The following LRRC37A2 variants were observed in gnomAD, a reference collection of about 807,000 sequenced individuals.
LRRC37A2 encodes the protein leucine rich repeat containing 37 member A2.
LRRC37A2 carries 9 observed loss-of-function variants against 68.8 expected under a neutral mutation model. That is an observed-to-expected ratio of 0.13 (90% CI 0.08 to 0.23). LRRC37A2 has a LOEUF of 0.23. Among genes scored for constraint, LRRC37A2 ranks in the 10% least tolerant of loss-of-function variants. The pLI is 1.00. For synonymous variants in LRRC37A2, 63 were observed against 367.6 expected, an observed-to-expected ratio of 0.17 and a Z score of 9.48; for missense variants, 168 against 950.4, an observed-to-expected ratio of 0.18 and a Z score of 10.82.
chr17:46,711,438 C>T, the LRRC37A2 span, among the ~76,000 whole-genome samples: 2 of 152,182 alleles, frequency 1.3e-5, no homozygotes, highest in East Asian at 3.8e-4. Flanking sequence ...GTATTTTAGT[C>T]ATTGAACTAG....
At chr17:46,819,553 G>T in the LRRC37A2 span, among the ~76,000 whole-genome samples, 2 of 152,168 alleles carry the variant, frequency 1.3e-5, no homozygotes, top group African/African-American at 4.8e-5. This position sits in a 1 kb window ranked among gnomAD's most constrained non-coding sequence, Gnocchi z 5.3. Flanking sequence ...GGACCATCAG[G>T]GACCGGTGAA....
chr17:46,825,644 C>T, the LRRC37A2 span, among the ~76,000 whole-genome samples: 1 of 152,252 alleles, frequency 6.6e-6, no homozygotes, highest in Non-Finnish European at 1.5e-5. Context: ...TGAGCAAAAG[C>T]AGCCCAGGTT....
the LRRC37A2 span, chr17:46,978,953 C>A: frequency 1.4e-6 from 2 of 1,454,090 alleles, no homozygotes; most frequent in Non-Finnish European, 1.8e-6. Flanking sequence ...CCGGCGCCGC[C>A]GCCCACGCCG....
At chr17:46,920,177 T>C in the LRRC37A2 span, among the ~76,000 whole-genome samples, 1 of 152,238 alleles carries the variant, frequency 6.6e-6, no homozygotes, top group East Asian at 1.9e-4. Flanking sequence ...CAAGACACTG[T>C]TAAAATTCTA....
At chr17:46,823,173 T>TA in the LRRC37A2 span, among the ~76,000 whole-genome samples, 4 of 129,420 alleles carry the variant, frequency 3.1e-5, no homozygotes. Flanking sequence ...ATATTATATA[T>TA]TTATATATAA....
chr17:46,841,683 C>G, the LRRC37A2 span, among the ~76,000 whole-genome samples: 1 of 152,118 alleles, frequency 6.6e-6, no homozygotes, highest in Middle Eastern at 3.2e-3. Flanking sequence ...GGAGCAGGAC[C>G]GGGAGGAACT....
At chr17:46,884,845 G>A in the LRRC37A2 span, among the ~76,000 whole-genome samples, 1 of 152,148 alleles carries the variant, frequency 6.6e-6, no homozygotes, top group African/African-American at 2.4e-5. Context: ...GGGAGAGGCC[G>A]TGGAGCTGGG....
chr17:46,815,966 A>G, the LRRC37A2 span, among the ~76,000 whole-genome samples: 2 of 152,192 alleles, frequency 1.3e-5, no homozygotes, highest in African/African-American at 4.8e-5. Context: ...AGGCGGACTC[A>G]GACACAGCCC....
the LRRC37A2 span, among the ~76,000 whole-genome samples, chr17:46,888,012 A>G: frequency 6.6e-6 from 1 of 152,244 alleles, no homozygotes; most frequent in South Asian, 2.1e-4. Context: ...TAGGGAGAGC[A>G]GGGAGACTTT....
chr17:46,926,013 C>T, the LRRC37A2 span, among the ~76,000 whole-genome samples: 2 of 152,168 alleles, frequency 1.3e-5, no homozygotes, highest in African/African-American at 4.8e-5. Flanking sequence ...AGTCTCCTGT[C>T]CTGGACCTTA....
chr17:46,831,006 A>G, the LRRC37A2 span: 1 of 372,228 alleles, frequency 2.7e-6, no homozygotes. Flanking sequence ...AAAATGAGTA[A>G]ATCTAAAATC....
At chr17:46,765,534 C>T in the LRRC37A2 span, among the ~76,000 whole-genome samples, 5 of 152,344 alleles carry the variant, frequency 3.3e-5, no homozygotes, top group African/African-American at 7.2e-5. Flanking sequence ...GCCTGCTCTG[C>T]GACTCCCTTC....
the LRRC37A2 span, among the ~76,000 whole-genome samples, chr17:46,822,753 G>A: frequency 6.6e-6 from 1 of 152,152 alleles, no homozygotes; most frequent in African/African-American, 2.4e-5. Flanking sequence ...CCAGACAGGC[G>A]GAGGGCGAGC....
the LRRC37A2 span, among the ~76,000 whole-genome samples, chr17:46,890,442 A>G: frequency 6.6e-6 from 1 of 152,038 alleles, no homozygotes. Context: ...TGCCATCAGG[A>G]GCTCAGGCCC....
chr17:46,834,212 A>G, the LRRC37A2 span, among the ~76,000 whole-genome samples: 3 of 152,178 alleles, frequency 2.0e-5, no homozygotes, highest in East Asian at 5.8e-4. Flanking sequence ...AAAAAAAGAA[A>G]ATGTCTTACT....
the LRRC37A2 span, among the ~76,000 whole-genome samples, chr17:46,902,825 C>T: frequency 1.3e-5 from 2 of 152,120 alleles, no homozygotes; most frequent in East Asian, 1.9e-4. Context: ...GGGAAGGGAT[C>T]GCCATCTTCA....
chr17:46,822,696 C>T, the LRRC37A2 span, among the ~76,000 whole-genome samples: 2 of 152,222 alleles, frequency 1.3e-5, no homozygotes, highest in African/African-American at 2.4e-5. Context: ...AATCCCGGAG[C>T]TTAGCTGGGG....
At chr17:47,027,915 C>T in the LRRC37A2 span, among the ~76,000 whole-genome samples, 2 of 152,184 alleles carry the variant, frequency 1.3e-5, no homozygotes, top group African/African-American at 4.8e-5. Flanking sequence ...GTGCTCCTGG[C>T]ATCTGGTGGG....
At chr17:46,881,044 C>T in the LRRC37A2 span, among the ~76,000 whole-genome samples, 1 of 152,230 alleles carries the variant, frequency 6.6e-6, no homozygotes, top group Admixed American at 6.5e-5. Flanking sequence ...CCTTTTCTGG[C>T]CACAGTTCCT....
Sources: gnomAD v4.1 joint callset for allele counts (sites outside exome capture counted in the v4.1 genomes callset) on GRCh38, gnomAD v4.1.1 for gene constraint, Gnocchi (gnomAD v3.1) non-coding constraint, MANE v1.5 for transcripts, NCBI Gene and HGNC (gene_info 2026-07-23, HGNC 2026-07-21) for gene names.